PRH1: variants seen among roughly 807,000 people sequenced by gnomAD.
PRH1 encodes the protein proline rich protein HaeIII subfamily 1.
Under a neutral mutation model 7.9 loss-of-function variants are expected in PRH1, and 7 were observed. The observed-to-expected ratio is 0.89, with a 90% confidence interval of 0.50 to 1.67. PRH1 has a LOEUF of 1.67. PRH1 is among the 40% of genes most tolerant of loss of function. The probability of loss-of-function intolerance (pLI) is 0.00; values close to 1 mark genes in which losing one functional copy is unlikely to be tolerated. For missense variants in PRH1, 109 were observed against 223.6 expected (o/e 0.49, Z 3.27); for synonymous variants, 45 against 80.8 (o/e 0.56, Z 2.38).
chr12:10,924,898 C>G (rs1950103816), intron 2 of PRH1, among the ~76,000 whole-genome samples: 1 of 151,956 alleles, frequency 6.6e-6, no homozygotes, highest in South Asian at 2.1e-4. Flanking sequence ...CTCTTTTCTT[C>G]TTTATTAGTC....
At chr12:11,049,914 A>G (rs184644301), upstream of PRH1, among the ~76,000 whole-genome samples, 1 of 152,322 alleles carries the variant, frequency 6.6e-6, no homozygotes, top group East Asian at 1.9e-4. Context: ...ACATAGACAC[A>G]CATGCACTGA....
chr12:10,930,166 G>T (rs1950182712), intron 2 of PRH1: 3 of 1,327,920 alleles, frequency 2.3e-6, no homozygotes, highest in Non-Finnish European at 3.2e-6. Flanking sequence ...TCTCAAAGGG[G>T]ATGCACAGGG....
chr12:10,963,270 AAT>A (rs1449145968), intron 2 of PRH1, among the ~76,000 whole-genome samples: 5 of 152,172 alleles, frequency 3.3e-5, no homozygotes, highest in African/African-American at 1.2e-4. Flanking sequence ...GCTATCACTG[AAT>A]ATGTCAACAC....
At chr12:11,154,130 T>C (rs990876344) in intron 1 of PRH1, among the ~76,000 whole-genome samples, 16 of 152,224 alleles carry the variant, frequency 1.1e-4, no homozygotes, top group Admixed American at 9.8e-4. Context: ...AAATAAATCT[T>C]ATGATACATC....
chr12:11,091,790 A>C (rs1213020035), intron 1 of PRH1: 1 of 1,446,348 alleles, frequency 6.9e-7, no homozygotes, highest in African/African-American at 1.4e-5. Flanking sequence ...ATTCATGTTT[A>C]TCACAAAAAG....
chr12:11,121,021 A>C (rs1422650170), exon 2 of PRH1: 1 of 154,176 alleles, frequency 6.5e-6, no homozygotes, highest in African/African-American at 2.4e-5. Flanking sequence ...TCATATGAAC[A>C]GATGCAGTCT....
intron 1 of PRH1, among the ~76,000 whole-genome samples, chr12:11,062,575 C>T (rs1943659852): frequency 6.6e-6 from 1 of 152,088 alleles, no homozygotes; most frequent in Admixed American, 6.6e-5. Flanking sequence ...TGGAATTATT[C>T]ATACTGAAGT....
chr12:11,062,334 A>C (rs1231764643), intron 1 of PRH1: 1 of 1,418,372 alleles, frequency 7.1e-7, no homozygotes. Flanking sequence ...ATGCTGGTGT[A>C]ATATCACTGG....
intron 2 of PRH1, among the ~76,000 whole-genome samples, chr12:10,967,803 T>A (rs1938581888): frequency 6.6e-6 from 1 of 152,238 alleles, no homozygotes; most frequent in South Asian, 2.1e-4. Context: ...TAACTTTTAT[T>A]TTGCTTATAA....
intron 2 of PRH1, among the ~76,000 whole-genome samples, chr12:10,914,239 A>G (rs182474741): frequency 2.1e-4 from 32 of 152,354 alleles, no homozygotes; most frequent in Admixed American, 2.6e-4. Flanking sequence ...TCATTTGACA[A>G]TTAAAAAAAT....
intron 1 of PRH1, among the ~76,000 whole-genome samples, chr12:11,141,643 G>C (rs1012542412): frequency 1.4e-4 from 21 of 152,006 alleles, no homozygotes; most frequent in African/African-American, 5.1e-4. Flanking sequence ...TATTCTCTTT[G>C]GATAGTCTTT....
intron 1 of PRH1, among the ~76,000 whole-genome samples, chr12:11,066,402 A>G (rs1163671715): frequency 1.3e-5 from 2 of 152,074 alleles, no homozygotes; most frequent in East Asian, 1.9e-4. Flanking sequence ...AATTGTTTCT[A>G]TAGTGATCAT....
At chr12:10,913,379 T>C (rs1949928100) in intron 2 of PRH1, among the ~76,000 whole-genome samples, 2 of 151,676 alleles carry the variant, frequency 1.3e-5, no homozygotes, top group African/African-American at 4.8e-5. Flanking sequence ...GGCAGGAACC[T>C]GGGAGGTGGA....
intron 2 of PRH1, among the ~76,000 whole-genome samples, chr12:10,912,032 A>T (rs1949907841): frequency 1.3e-5 from 2 of 152,208 alleles, no homozygotes; most frequent in African/African-American, 4.8e-5. Flanking sequence ...GAATGGAATA[A>T]TACTGTACAC....
At chr12:11,006,986 C>A (rs1940862267) in intron 1 of PRH1, among the ~76,000 whole-genome samples, 1 of 152,024 alleles carries the variant, frequency 6.6e-6, no homozygotes, top group Non-Finnish European at 1.5e-5. Flanking sequence ...CATTGTTTTG[C>A]AATGTTTTTC....
chr12:11,133,485 T>A, intron 1 of PRH1: 1 of 1,614,114 alleles, frequency 6.2e-7, no homozygotes, highest in Non-Finnish European at 8.5e-7. Flanking sequence ...TTTTCCAGCC[T>A]CCCAAAATTA....
chr12:11,126,911 A>G lies in PRH1; in HGVS notation n.40-5731T>C, dbSNP rs559014582. 6.0e-5 allele frequency among the ~76,000 whole-genome samples: 9 copies of G among 150,990 alleles called. 1 individual carries two copies. The South Asian group carries it at 1.9e-3, about 31-fold the overall frequency. ...GTGCCCATGGGAAAATACAAATTCT[A>G]CCATTACTGTTATGGAAAATAATGA... On this transcript the variant is annotated intron_variant and non_coding_transcript_variant, in intron 1 of 1. Transcript: ENST00000541175.
intron 1 of PRH1, among the ~76,000 whole-genome samples, chr12:11,032,569 G>C (rs867993985): frequency 2.2e-4 from 33 of 152,286 alleles, no homozygotes; most frequent in Middle Eastern, 3.4e-3. Flanking sequence ...AATAAAAAAT[G>C]AGTTTCCAAG....
At chr12:11,170,691 G>A (rs184713625) in intron 1 of PRH1, among the ~76,000 whole-genome samples, 1 of 152,234 alleles carries the variant, frequency 6.6e-6, no homozygotes. Context: ...GGTTTACATG[G>A]CTGGGAATAT....
Sources: allele counts gnomAD v4.1 joint callset (sites outside exome capture counted in the v4.1 genomes callset), GRCh38; gene constraint gnomAD v4.1.1; transcripts MANE v1.5; gene names NCBI Gene and HGNC (gene_info 2026-07-23, HGNC 2026-07-21).